Variants in FUT9 observed in about 807,000 individuals in gnomAD.
FUT9 encodes 4-galactosyl-N-acetylglucosaminide 3-alpha-L-fucosyltransferase 9.
A neutral mutation model predicts 29.7 loss-of-function variants in FUT9; 15 were observed. The observed-to-expected ratio is 0.51, with a 90% CI of 0.34 to 0.78. The LOEUF is 0.78. FUT9 is among the 30% of genes least tolerant of loss of function. The probability of loss-of-function intolerance (pLI) is 0.01; values close to 1 mark genes in which losing one functional copy is unlikely to be tolerated. For synonymous variants in FUT9, 169 were observed against 153.7 expected (o/e 1.10, Z -0.74); for missense variants, 319 against 425.4 (o/e 0.75, Z 2.20).
At chr6:96,110,837 A>ATTTATTTATTTATTTATTTATTTT (rs1562128554) in intron 1 of FUT9, among the ~76,000 whole-genome samples, 1 of 151,378 alleles carries the variant, frequency 6.6e-6, no homozygotes, top group Non-Finnish European at 1.5e-5. Context: ...TTATTTATTT[A>ATTTATTTATTTATTTATTTATTTT]TTTTTTGTAG....
chr6:96,084,709 T>C (rs1182038963), intron 1 of FUT9, among the ~76,000 whole-genome samples: 2 of 152,056 alleles, frequency 1.3e-5, no homozygotes, highest in Non-Finnish European at 2.9e-5. Context: ...AAATTAGAAA[T>C]AGAAATTATT....
At chr6:96,078,604 T>TA (rs1771183544) in intron 1 of FUT9, among the ~76,000 whole-genome samples, 1 of 151,538 alleles carries the variant, frequency 6.6e-6, no homozygotes, top group South Asian at 2.1e-4. Flanking sequence ...GTATTTTTAG[T>TA]AGAGACAGGG....
intron 1 of FUT9, among the ~76,000 whole-genome samples, chr6:96,046,077 C>T (rs1399435617): frequency 6.6e-6 from 1 of 151,798 alleles, no homozygotes; most frequent in African/African-American, 2.4e-5. Flanking sequence ...TTAAAAGATT[C>T]CTTCAGTGTC....
intron 1 of FUT9, among the ~76,000 whole-genome samples, chr6:96,107,515 C>A (rs1379514377): frequency 2.0e-5 from 3 of 152,084 alleles, no homozygotes; most frequent in Admixed American, 6.6e-5. Flanking sequence ...AAGAATTTGT[C>A]CTGAAGTGTG....
At chr6:96,192,841 G>T (rs1345681565) in intron 2 of FUT9, among the ~76,000 whole-genome samples, 1 of 152,014 alleles carries the variant, frequency 6.6e-6, no homozygotes, top group Non-Finnish European at 1.5e-5. Context: ...CATGGTACTG[G>T]TACCAAAACA....
intron 2 of FUT9, among the ~76,000 whole-genome samples, chr6:96,182,069 C>A (rs143182015): frequency 6.6e-6 from 1 of 152,046 alleles, no homozygotes; most frequent in Non-Finnish European, 1.5e-5. Flanking sequence ...TTCCTGTTCA[C>A]CACATCCACA....
intron 2 of FUT9, among the ~76,000 whole-genome samples, chr6:96,152,297 A>T (rs924484894): frequency 1.3e-5 from 2 of 152,154 alleles, no homozygotes; most frequent in Non-Finnish European, 2.9e-5. Flanking sequence ...AGATTTGAAG[A>T]TCTGTGTAAT....
intron 2 of FUT9, among the ~76,000 whole-genome samples, chr6:96,122,153 T>C (rs1199692544): frequency 6.6e-6 from 1 of 152,182 alleles, no homozygotes; most frequent in East Asian, 1.9e-4. Flanking sequence ...TATGAAATTT[T>C]AGGGGAAATT....
chr6:96,138,753 A>AT (rs539602303), intron 2 of FUT9, among the ~76,000 whole-genome samples: 32 of 152,094 alleles, frequency 2.1e-4, no homozygotes, highest in Non-Finnish European at 4.0e-4. Flanking sequence ...ACCATAACAG[A>AT]TTTTTTTTAA....
At chr6:96,048,153 A>AT (rs2127936696) in intron 1 of FUT9, among the ~76,000 whole-genome samples, 1 of 152,228 alleles carries the variant, frequency 6.6e-6, no homozygotes, top group East Asian at 1.9e-4. Context: ...AAGGGTCTCT[A>AT]TTTTTAGAGA....
intron 2 of FUT9, among the ~76,000 whole-genome samples, chr6:96,165,738 C>T (rs1057110472): frequency 5.9e-5 from 9 of 152,118 alleles, no homozygotes; most frequent in Middle Eastern, 3.4e-3. Context: ...GCCTCAGCCT[C>T]CGAAATAGCT....
chr6:96,062,548 G>A (rs569913355), intron 1 of FUT9, among the ~76,000 whole-genome samples: 30 of 152,038 alleles, frequency 2.0e-4, no homozygotes, highest in African/African-American at 7.2e-4. Flanking sequence ...TTTTCCCCAT[G>A]CATGTGTATC....
At chr6:96,018,506 T>C (rs1196371375) in intron 1 of FUT9, among the ~76,000 whole-genome samples, 1 of 152,050 alleles carries the variant, frequency 6.6e-6, no homozygotes, top group Non-Finnish European at 1.5e-5. Flanking sequence ...TTGGCATTAG[T>C]AAGAAAGGCT....
At chr6:96,104,960 A>G (rs1018640333) in intron 1 of FUT9, among the ~76,000 whole-genome samples, 15 of 152,196 alleles carry the variant, frequency 9.9e-5, no homozygotes, top group African/African-American at 3.1e-4. Flanking sequence ...AATAAGAACA[A>G]AGATAAAGAG....
chr6:96,164,494 G>C (rs1172512058), intron 2 of FUT9, among the ~76,000 whole-genome samples: 1 of 152,034 alleles, frequency 6.6e-6, no homozygotes, highest in Non-Finnish European at 1.5e-5. Flanking sequence ...TCCTGACCTC[G>C]TGATCCACCC....
In FUT9 at chr6:96,173,070, A is replaced by C. The variant is rs563772103; in HGVS notation, c.-8-30078A>C. On this transcript the variant is annotated intron_variant, in intron 2 of 2. Coordinates refer to ENST00000302103, the MANE Select transcript of FUT9 (RefSeq NM_006581.4). ...CCAGAAAATGCATTTCTTGTGAGGA[A>C]TAGTACATGAGTAATTACACAGACA... is the stretch of plus-strand genomic sequence containing the variant. Among the ~76,000 whole-genome samples, 3 of 152,248 alleles carry C rather than the reference A, an allele frequency of 2.0e-5. No homozygotes were observed. The South Asian group carries it at 6.2e-4, about 32-fold the overall frequency.
intron 1 of FUT9, among the ~76,000 whole-genome samples, chr6:96,084,558 C>T (rs770132071): frequency 6.6e-6 from 1 of 151,982 alleles, no homozygotes; most frequent in Non-Finnish European, 1.5e-5. Flanking sequence ...CTCACACACA[C>T]GTTTGTGACT....
At chr6:96,179,450 G>T (rs374727384) in intron 2 of FUT9, among the ~76,000 whole-genome samples, 60 of 152,160 alleles carry the variant, frequency 3.9e-4, no homozygotes, top group African/African-American at 1.4e-3. Context: ...AGCTATGGGA[G>T]CACAGAGGAG....
intron 1 of FUT9, among the ~76,000 whole-genome samples, chr6:96,075,605 G>A (rs1771131343): frequency 6.6e-6 from 1 of 151,996 alleles, no homozygotes; most frequent in Non-Finnish European, 1.5e-5. Context: ...ATTTTGAAAG[G>A]AAAATTATAC....
Sources: gnomAD v4.1 joint callset for allele counts (sites outside exome capture counted in the v4.1 genomes callset) on GRCh38, gnomAD v4.1.1 for gene constraint, MANE v1.5 for transcripts, NCBI Gene and HGNC (gene_info 2026-07-23, HGNC 2026-07-21) for gene names.